The following PLAC8 variants were observed in gnomAD, a reference collection of about 807,000 sequenced individuals.
PLAC8 encodes placenta associated 8.
PLAC8 carries 6 observed loss-of-function variants against 12.6 expected under a neutral mutation model. That is an observed-to-expected ratio of 0.48 (90% CI 0.26 to 0.94). PLAC8 has a LOEUF of 0.94. Among genes scored for constraint, PLAC8 ranks in the 40% least tolerant of loss-of-function variants. The pLI is 0.14. For synonymous variants in PLAC8, 54 were observed against 52.6 expected (o/e 1.03, Z -0.11); for missense variants, 122 against 152.7 (o/e 0.80, Z 1.06).
intron 3 of PLAC8, among the ~76,000 whole-genome samples, chr4:83,097,577 G>C (rs1412050818): frequency 1.3e-5 from 2 of 152,118 alleles, no homozygotes; most frequent in African/African-American, 4.8e-5. Flanking sequence ...GACATATGGA[G>C]AGCCATGCCC....
chr4:83,105,008 G>A lies in PLAC8; in HGVS notation c.131C>T (p.Thr44Ile), dbSNP rs745763891. 23 of 1,614,018 alleles carry A rather than the reference G, an allele frequency of 1.4e-5. No homozygotes were observed. In the South Asian group the frequency reaches 2.5e-4, roughly 18 times the overall value. Reference sequence around the variant, plus strand: ...ACACCCAAGGCACGGGAAACAAAATGTGCCACAGAGACCTAGACACATGAA... The same window carrying A: ...ACACCCAAGGCACGGGAAACAAAATATGCCACAGAGACCTAGACACATGAA... ...FSDCGVCLCG[T>I]FCFPCLGCQV... is the part of the protein sequence containing the mutation. Residue 44 changes from threonine to isoleucine, a missense_variant, in exon 3 of 5, where the codon ACA becomes ATA. Physicochemically the swap from Thr to Ile is moderately conservative, Grantham distance 89. Coordinates refer to ENST00000311507, the MANE Select transcript of PLAC8 (RefSeq NM_016619.3).
intron 3 of PLAC8, 125 bp downstream of exon 3, chr4:83,104,771 G>T: frequency 2.0e-6 from 2 of 1,019,860 alleles, no homozygotes; most frequent in Non-Finnish European, 3.0e-6. Context: ...ATGCAAGATT[G>T]CACATGCTAG....
At position 83,105,038 on chromosome 4, in the gene PLAC8, G is replaced by T; in HGVS notation, c.119-18C>A. The T allele has an allele frequency of 6.2e-7, 1 of 1,613,896 alleles. No homozygotes were observed. The highest frequency in any genetic ancestry group is 8.5e-7 in the Non-Finnish European group (1 of 1,179,914). On this transcript the variant is annotated intron_variant, in intron 2 of 4. Coordinates refer to ENST00000311507, the MANE Select transcript of PLAC8 (RefSeq NM_016619.3). ...ACAGAGACCTAGACACATGAAACCA[G>T]GGGTACATATTACTCCACTCTGCCC... is the stretch of plus-strand genomic sequence containing the variant.
chr4:83,104,747 G>T, intron 3 of PLAC8, 149 bp downstream of exon 3: 1 of 839,138 alleles, frequency 1.2e-6, no homozygotes, highest in Non-Finnish European at 1.9e-6. Flanking sequence ...CAGAAGATCT[G>T]TTGCTACAAC....
Position 83,107,799 on chromosome 4 carries a change from C to CA in PLAC8, c.118+4_118+5insT. 1.3e-6 allele frequency: 2 copies of CA among 1,587,886 alleles called. No homozygotes were observed. ...AATAAGGGGGTTCTTTCCCCACACA[C>CA]TTACAGACTCCGCAGTCGCTGAAAC... On this transcript the variant is annotated splice_donor_region_variant and intron_variant, in intron 2 of 4. Transcript: ENST00000311507.
chr4:83,097,004 C>A (rs987252129), intron 3 of PLAC8, among the ~76,000 whole-genome samples: 1 of 152,200 alleles, frequency 6.6e-6, no homozygotes, highest in Non-Finnish European at 1.5e-5. Context: ...GTAGTATTTC[C>A]CTCCTTTTGG....
At chr4:83,096,309 A>G (rs1560451980) in intron 3 of PLAC8, among the ~76,000 whole-genome samples, 1 of 152,204 alleles carries the variant, frequency 6.6e-6, no homozygotes, top group Non-Finnish European at 1.5e-5. Context: ...AGCCTCCTGA[A>G]AAAGAGTTTC....
At chr4:83,107,212 AAAAAAAAAAAC>A (rs1278927786) in intron 2 of PLAC8, among the ~76,000 whole-genome samples, 3 of 62,032 alleles carry the variant, frequency 4.8e-5, no homozygotes, top group African/African-American at 1.4e-4. Flanking sequence ...AAAACAAACA[AAAAAAAAAAAC>A]AAAAAAAAAA....
intron 3 of PLAC8, among the ~76,000 whole-genome samples, chr4:83,102,937 T>A (rs1273830360): frequency 6.7e-6 from 1 of 150,274 alleles, no homozygotes; most frequent in East Asian, 2.0e-4. Context: ...ATACAAAAAA[T>A]TAGCCGGGCG....
chr4:83,114,315 A>T (rs901100340), intron 1 of PLAC8, among the ~76,000 whole-genome samples: 2 of 152,244 alleles, frequency 1.3e-5, no homozygotes, highest in African/African-American at 4.8e-5. Flanking sequence ...GACCGGCATA[A>T]GTCAACATGC....
chr4:83,105,195 G>A (rs776063161), intron 2 of PLAC8, among the ~76,000 whole-genome samples, 175 bp from the exon 3 acceptor site: 5 of 152,190 alleles, frequency 3.3e-5, no homozygotes, highest in South Asian at 2.1e-4. Flanking sequence ...CGCTCCACCC[G>A]CAAATCATTT....
intron 1 of PLAC8, among the ~76,000 whole-genome samples, chr4:83,114,262 T>C (rs796362397): frequency 5.9e-5 from 9 of 152,236 alleles, no homozygotes; most frequent in African/African-American, 2.2e-4. Context: ...TCTAAATACT[T>C]TGAATGGATA....
intron 3 of PLAC8, among the ~76,000 whole-genome samples, chr4:83,101,324 G>C (rs1278000932): frequency 6.6e-6 from 1 of 152,208 alleles, no homozygotes; most frequent in African/African-American, 2.4e-5. Context: ...AGTTTGCAGT[G>C]AGCCAAGATC....
intron 3 of PLAC8, among the ~76,000 whole-genome samples, chr4:83,095,055 A>G (rs1193871093): frequency 2.0e-5 from 3 of 152,234 alleles, no homozygotes; most frequent in Non-Finnish European, 4.4e-5. Context: ...ATCCTTGGGA[A>G]GTAGAATTTC....
At chr4:83,094,503 A>G in intron 4 of PLAC8, 175 bp downstream of exon 4, 1 of 531,234 alleles carries the variant, frequency 1.9e-6, no homozygotes, top group East Asian at 3.5e-5. Context: ...CAAAGTATAG[A>G]GCTATCTTCT....
At chr4:83,100,173 T>A (rs192277567) in intron 3 of PLAC8, among the ~76,000 whole-genome samples, 2 of 149,598 alleles carry the variant, frequency 1.3e-5, no homozygotes, top group African/African-American at 5.0e-5. Flanking sequence ...CCCAGCTACT[T>A]GGGAGGCTGA....
intron 4 of PLAC8, among the ~76,000 whole-genome samples, chr4:83,091,390 T>A (rs979581242): frequency 6.6e-6 from 1 of 152,196 alleles, no homozygotes; most frequent in Non-Finnish European, 1.5e-5. Context: ...TTTTGTGGAA[T>A]GTGCCTCAGT....
intron 3 of PLAC8, among the ~76,000 whole-genome samples, chr4:83,100,202 A>AC (rs1297238642): frequency 6.7e-6 from 1 of 148,284 alleles, no homozygotes; most frequent in Non-Finnish European, 1.5e-5. Context: ...AATGGCGTGA[A>AC]CCCAGGAGGT....
At chr4:83,112,503 C>G (rs1447938968) in intron 1 of PLAC8, among the ~76,000 whole-genome samples, 1 of 152,128 alleles carries the variant, frequency 6.6e-6, no homozygotes, top group Non-Finnish European at 1.5e-5. Context: ...AAGTTCCTTT[C>G]TAGCACAGAT....
Sources: allele counts gnomAD v4.1 joint callset (sites outside exome capture counted in the v4.1 genomes callset), GRCh38; gene constraint gnomAD v4.1.1; transcripts MANE v1.5; gene names NCBI Gene and HGNC (gene_info 2026-07-23, HGNC 2026-07-21).